The following FKTN variants were observed in gnomAD, a reference collection of about 807,000 sequenced individuals.
FKTN encodes the protein fukutin, also known as ribitol-5-phosphate transferase FKTN.
FKTN carries 47 observed loss-of-function variants against 58.6 expected under a neutral mutation model. The ratio of observed to expected loss-of-function variants is 0.80; its 90% CI spans 0.63 to 1.02. The LOEUF (loss-of-function observed/expected upper bound fraction) is 1.02, where lower values mean the gene tolerates loss of function less well. Ranked by LOEUF, FKTN falls within the 50% of genes least tolerant of loss-of-function variation. The pLI, the probability that FKTN is intolerant of heterozygous loss-of-function variation, is 0.00. For synonymous variants in FKTN, 178 were observed against 191.9 expected (o/e 0.93, Z 0.60); for missense variants, 516 against 537.3 (o/e 0.96, Z 0.39).
intron 1 of FKTN, 93 bp from the exon 2 acceptor site, chr9:105,573,562 G>A (rs144584437): frequency 1.5e-4 from 23 of 152,046 alleles, no homozygotes; most frequent in African/African-American, 5.1e-4. Context: ...TGGGAGTTTC[G>A]GGTTACAATG....
intron 7 of FKTN, 62 bp from the exon 8 acceptor site, chr9:105,615,216 A>G: frequency 1.3e-6 from 2 of 1,565,760 alleles, no homozygotes; most frequent in African/African-American, 1.3e-5. Context: ...TTCAGATGCC[A>G]CAGAAAGGTT....
intron 10 of FKTN, among the ~76,000 whole-genome samples, chr9:105,628,113 T>C (rs983782769): frequency 6.6e-6 from 1 of 152,244 alleles, no homozygotes; most frequent in East Asian, 1.9e-4. Context: ...CCTACAGTTG[T>C]AACTCCAAGA....
At chr9:105,562,884 A>G (rs1838554216) in intron 1 of FKTN, among the ~76,000 whole-genome samples, 2 of 152,200 alleles carry the variant, frequency 1.3e-5, no homozygotes, top group South Asian at 2.1e-4. Flanking sequence ...ATCCCACAGC[A>G]TAAGGATATG....
intron 10 of FKTN, among the ~76,000 whole-genome samples, chr9:105,621,837 T>G (rs1386085482): frequency 6.6e-6 from 1 of 152,150 alleles, no homozygotes; most frequent in Admixed American, 6.5e-5. Flanking sequence ...ATATTTAGGC[T>G]GTTTCCAGTA....
chr9:105,588,971 G>C (rs571796769), intron 3 of FKTN, among the ~76,000 whole-genome samples: 1 of 152,104 alleles, frequency 6.6e-6, no homozygotes, highest in Non-Finnish European at 1.5e-5. Context: ...CTACTTGTAG[G>C]GTCATTGGTT....
At chr9:105,628,256 A>G (rs1326157074) in intron 10 of FKTN, among the ~76,000 whole-genome samples, 1 of 152,124 alleles carries the variant, frequency 6.6e-6, no homozygotes. Flanking sequence ...TTATGCGTTT[A>G]TATTTTACAA....
intron 7 of FKTN, among the ~76,000 whole-genome samples, chr9:105,608,195 CT>C (rs1438954148): frequency 1.3e-5 from 2 of 151,990 alleles, no homozygotes; most frequent in Non-Finnish European, 2.9e-5. Context: ...ATTTGAATAA[CT>C]TTAATAGATT....
intron 5 of FKTN, among the ~76,000 whole-genome samples, 154 bp downstream of exon 5, chr9:105,601,502 A>T (rs1827864069): frequency 6.6e-6 from 1 of 152,216 alleles, no homozygotes; most frequent in Non-Finnish European, 1.5e-5. Flanking sequence ...CAATACAACT[A>T]ATCACTAAGG....
chr9:105,601,424 T>G, intron 5 of FKTN, 76 bp downstream of exon 5: 1 of 1,050,126 alleles, frequency 9.5e-7, no homozygotes, highest in South Asian at 1.4e-5. Flanking sequence ...GTTTAAAATG[T>G]AAAACATTAA....
At chr9:105,623,425 AAGTT>A (rs1167233432) in intron 10 of FKTN, among the ~76,000 whole-genome samples, 1 of 152,168 alleles carries the variant, frequency 6.6e-6, no homozygotes, top group Non-Finnish European at 1.5e-5. Flanking sequence ...TGTTCTTACT[AAGTT>A]AGTGTCACCA....
At chr9:105,567,781 G>T (rs2131840732) in intron 1 of FKTN, among the ~76,000 whole-genome samples, 1 of 152,246 alleles carries the variant, frequency 6.6e-6, no homozygotes, top group East Asian at 1.9e-4. Context: ...CACAGAATTG[G>T]AAAAAACTAC....
intron 1 of FKTN, among the ~76,000 whole-genome samples, chr9:105,563,255 C>T (rs1206809989): frequency 6.6e-6 from 1 of 152,188 alleles, no homozygotes; most frequent in Non-Finnish European, 1.5e-5. Context: ...TTCTGCATTT[C>T]TAACTGAGAT....
At chr9:105,572,715 T>G (rs559106569) in intron 1 of FKTN, among the ~76,000 whole-genome samples, 1 of 152,176 alleles carries the variant, frequency 6.6e-6, no homozygotes, top group African/African-American at 2.4e-5. Flanking sequence ...AGAGGAGAGA[T>G]AGTGAGTGGC....
At chr9:105,587,407 G>C (rs1844100806) in intron 3 of FKTN, among the ~76,000 whole-genome samples, 1 of 152,168 alleles carries the variant, frequency 6.6e-6, no homozygotes, top group African/African-American at 2.4e-5. Context: ...AATCAGTCTT[G>C]TAGCCATTTA....
Position 105,604,287 on chromosome 9 carries a change from G to C in FKTN, c.442G>C (p.Asp148His). The C allele has an allele frequency of 6.2e-7, 1 of 1,613,666 alleles. No homozygotes were observed. Reference protein sequence around the residue: ...LKIESKDPRLDGIDSLSGTEI... With the variant: ...LKIESKDPRLHGIDSLSGTEI... The stretch of plus-strand genomic sequence containing the variant: ...GATTGAGAGTAAAGATCCCCGGCTA[G>C]ACGGGATAGACTCACTCTCTGGAAC... The change falls in exon 6 of 11, where the codon GAC becomes CAC. Residue 148 changes from aspartate (D) to histidine (H), a missense_variant. By Grantham distance (81) the Asp-to-His change is moderately conservative. Transcript: ENST00000357998.
At chr9:105,571,654 G>A (rs1840754329) in intron 1 of FKTN, among the ~76,000 whole-genome samples, 1 of 152,114 alleles carries the variant, frequency 6.6e-6, no homozygotes, top group Non-Finnish European at 1.5e-5. Flanking sequence ...GCTGAGTTAT[G>A]GCCTACTCTG....
At position 105,623,447 on chromosome 9, in the gene FKTN, T is replaced by C. The variant is rs574814297; in HGVS notation, c.1172+3386T>C. Reference sequence around the variant, plus strand: ...ACTAAGTTAGTGTCACCATGATCTCTATCATGTTGTTAATACCCCTTCCAT... The same window carrying C: ...ACTAAGTTAGTGTCACCATGATCTCCATCATGTTGTTAATACCCCTTCCAT... On this transcript the variant is annotated intron_variant, in intron 10 of 10. Coordinates refer to ENST00000357998, the MANE Select transcript of FKTN (RefSeq NM_001079802.2). Among the ~76,000 whole-genome samples, 7 of 152,288 alleles carry C rather than the reference T, an allele frequency of 4.6e-5. No individual in the cohort carries two copies. The South Asian group carries it at 1.4e-3, about 32-fold the overall frequency.
intron 8 of FKTN, 42 bp from the exon 9 acceptor site, chr9:105,617,917 C>A: frequency 1.5e-6 from 2 of 1,332,892 alleles, no homozygotes; most frequent in Admixed American, 2.0e-5. Context: ...CTAATTTTTT[C>A]CAAACCTAAA....
chr9:105,577,399 T>G (rs1240578752), intron 3 of FKTN, among the ~76,000 whole-genome samples: 2 of 140,926 alleles, frequency 1.4e-5, no homozygotes, highest in East Asian at 2.0e-4. Flanking sequence ...CTAGCCAGTT[T>G]TCCCAGCACC....
Sources: gnomAD v4.1 joint callset for allele counts (sites outside exome capture counted in the v4.1 genomes callset) on GRCh38, gnomAD v4.1.1 for gene constraint, MANE v1.5 for transcripts, NCBI Gene and HGNC (gene_info 2026-07-23, HGNC 2026-07-21) for gene names.